The following SCARB1 variants were observed in gnomAD, a reference collection of about 807,000 sequenced individuals.
The protein encoded by SCARB1 is scavenger receptor class B member 1.
A neutral mutation model predicts 57.2 loss-of-function variants in SCARB1; 30 were observed. The observed-to-expected ratio is 0.52, with a 90% CI of 0.39 to 0.71. The LOEUF is 0.71. Ranked by LOEUF, SCARB1 falls within the 30% of genes least tolerant of loss-of-function variation. The pLI is 0.00. For missense variants in SCARB1, 543 were observed against 671.2 expected (o/e 0.81, Z 2.11); for synonymous variants, 249 against 268.3 (o/e 0.93, Z 0.70).
rs1950367845 is a variant in SCARB1 at position 124,807,695 on chromosome 12, G to A, written c.1009+66C>T. The stretch of plus-strand genomic sequence containing the variant: ...GAGATTAAGCAGACAGCACTGGGCA[G>A]ATAAACCCTCAGCTGGCCCCACCCT... On this transcript the variant is annotated intron_variant, in intron 7 of 12. Coordinates refer to ENST00000261693, the MANE Select transcript of SCARB1 (RefSeq NM_005505.5). The surrounding 1 kb of genome is among the most constrained non-coding windows in gnomAD (Gnocchi z 5.3). The A allele has an allele frequency of 1.3e-6, 2 of 1,517,130 alleles. No individual in the cohort carries two copies. Among genetic ancestry groups the A allele is most frequent in the Middle Eastern group, 1.9e-4 (1 of 5,200 alleles). 94.0% of individuals were successfully genotyped at this position (1,517,130 alleles called of 1,614,324 possible).
intron 1 of SCARB1, among the ~76,000 whole-genome samples, chr12:124,833,336 T>C (rs7487704): frequency 0.84 from 127,347 of 151,772 alleles, 53,708 homozygotes; most frequent in Admixed American, 0.91. Context: ...ACCACAAGCA[T>C]ACACCACCAC....
chr12:124,805,849 C>T (rs919126608), intron 7 of SCARB1, among the ~76,000 whole-genome samples: 3 of 147,752 alleles, frequency 2.0e-5, no homozygotes, highest in African/African-American at 5.0e-5. Flanking sequence ...TGATTACAGG[C>T]GTGAACCACC....
At chr12:124,838,662 C>CA (rs1951788811) in intron 1 of SCARB1, among the ~76,000 whole-genome samples, 1 of 152,068 alleles carries the variant, frequency 6.6e-6, no homozygotes, top group Non-Finnish European at 1.5e-5. Context: ...ATCTACAAAC[C>CA]AACAGCCCAA....
intron 9 of SCARB1, 64 bp from the exon 10 acceptor site, chr12:124,787,521 G>T (rs1456046617): frequency 2.1e-6 from 3 of 1,414,806 alleles, no homozygotes; most frequent in East Asian, 2.3e-5. Context: ...ATCTAATTCT[G>T]CTTGAATACA....
chr12:124,801,845 C>CA (rs1435596115), intron 7 of SCARB1, among the ~76,000 whole-genome samples: 7 of 147,990 alleles, frequency 4.7e-5, no homozygotes, highest in Admixed American at 1.4e-4. Flanking sequence ...GACTGTGTCT[C>CA]AAAAAAAATA....
chr12:124,821,509 G>C (rs182366713), intron 1 of SCARB1: 61 of 985,122 alleles, frequency 6.2e-5, no homozygotes, highest in Non-Finnish European at 6.3e-5. Context: ...CCCCAAAGAA[G>C]AGGCTTTCAG....
chr12:124,790,407 G>T (rs1018186765), intron 9 of SCARB1, among the ~76,000 whole-genome samples: 4 of 149,936 alleles, frequency 2.7e-5, no homozygotes, highest in Non-Finnish European at 5.9e-5. Context: ...AACAAAACAG[G>T]GAGGGCTAGG....
At chr12:124,837,846 G>A (rs577605634) in intron 1 of SCARB1, among the ~76,000 whole-genome samples, 2 of 152,314 alleles carry the variant, frequency 1.3e-5, no homozygotes, top group East Asian at 1.9e-4. Flanking sequence ...AGGCTGCAGT[G>A]AGCCATGATG....
At chr12:124,782,651 CG>C (rs1246765832) in intron 12 of SCARB1, 31 bp downstream of exon 12, 7 of 1,609,128 alleles carry the variant, frequency 4.4e-6, no homozygotes, top group Non-Finnish European at 5.9e-6. Flanking sequence ...TGGGAGGGGG[CG>C]GGGAGGCGCA....
chr12:124,814,430 T>A lies in SCARB1; in HGVS notation c.427-25A>T. On this transcript the variant is annotated intron_variant, in intron 3 of 12. Transcript: ENST00000261693. This position sits in a 1 kb window ranked among gnomAD's most constrained non-coding sequence, Gnocchi z 4.7. ...CCTGCAAGGCGAAGGGACACTAGTG[T>A]CAGAGGCTGGACGTGGCTGGCCCAT... The A allele has an allele frequency of 6.2e-7, 1 of 1,611,148 alleles. No homozygotes were observed. Among genetic ancestry groups the A allele is most frequent in the Non-Finnish European group, 8.5e-7 (1 of 1,178,720 alleles).
chr12:124,803,910 C>G (rs1950233089), intron 7 of SCARB1, among the ~76,000 whole-genome samples: 1 of 152,096 alleles, frequency 6.6e-6, no homozygotes, highest in East Asian at 1.9e-4. Context: ...TAAGAAAAAA[C>G]TCTATTTAAA....
intron 11 of SCARB1, chr12:124,784,459 C>T (rs888293038): frequency 6.6e-6 from 1 of 152,206 alleles, no homozygotes; most frequent in Non-Finnish European, 1.5e-5. Flanking sequence ...GAAACCTTTT[C>T]CCCCCGAGGA....
At chr12:124,847,790 C>G (rs940083156) in intron 1 of SCARB1, among the ~76,000 whole-genome samples, 2 of 152,178 alleles carry the variant, frequency 1.3e-5, no homozygotes, top group African/African-American at 4.8e-5. Flanking sequence ...AGGCTGGGAG[C>G]TGGGGGAGGA....
At chr12:124,781,050 C>A (rs1482360032) in intron 12 of SCARB1, among the ~76,000 whole-genome samples, 1 of 152,178 alleles carries the variant, frequency 6.6e-6, no homozygotes, top group African/African-American at 2.4e-5. Flanking sequence ...AGCCTGGGGA[C>A]CCTGTCCCAG....
chr12:124,828,263 C>T (rs1951243036), intron 1 of SCARB1, among the ~76,000 whole-genome samples: 1 of 152,050 alleles, frequency 6.6e-6, no homozygotes, highest in Admixed American at 6.6e-5. Flanking sequence ...AGCACTCTCC[C>T]CTGCACCTGG....
rs1672880 is a variant in SCARB1 at position 124,796,534 on chromosome 12, G to A, written c.1129-1266C>T. On this transcript the variant is annotated intron_variant, in intron 8 of 12. Transcript: ENST00000261693. The surrounding 1 kb of genome is among the most constrained non-coding windows in gnomAD (Gnocchi z 4.0). ...ATTTGAGGTCAGAGAACTGCAGTTG[G>A]TTCTTCTTAACTGAGAGTCGCGTCC... 0.016 allele frequency among the ~76,000 whole-genome samples: 2,373 copies of A among 152,318 alleles called. 57 individuals carry two copies. Among genetic ancestry groups the A allele is most frequent in the African/African-American group, 0.053 (2,222 of 41,564 alleles).
At position 124,787,336 on chromosome 12, in the gene SCARB1, G is replaced by A. The variant is rs1016221438; in HGVS notation, c.1254+70C>T. 1.3e-4 allele frequency: 184 copies of A among 1,432,082 alleles called. No homozygotes were observed. Among genetic ancestry groups the A allele is most frequent in the Admixed American group, 1.8e-4 (10 of 56,676 alleles). 88.7% of individuals were successfully genotyped at this position (1,432,082 alleles called of 1,614,324 possible). On this transcript the variant is annotated intron_variant, in intron 10 of 12. Transcript: ENST00000261693. Reference sequence around the variant, plus strand: ...TCCCTTTCTACAAGCTGCTCCCCCCGCCTCCTGCCTCAAATGCCCACATTG... The same window carrying A: ...TCCCTTTCTACAAGCTGCTCCCCCCACCTCCTGCCTCAAATGCCCACATTG...
chr12:124,787,780 T>C (rs949114186), intron 9 of SCARB1, among the ~76,000 whole-genome samples: 1 of 152,254 alleles, frequency 6.6e-6, no homozygotes, highest in Non-Finnish European at 1.5e-5. Context: ...CACACAGCTT[T>C]GAACCTGTGA....
chr12:124,799,909 A>G (rs957790932), intron 8 of SCARB1, among the ~76,000 whole-genome samples: 3 of 152,232 alleles, frequency 2.0e-5, no homozygotes, highest in African/African-American at 7.2e-5. Context: ...CTTAGAGCCC[A>G]TTTATAGAAA....
Sources: allele counts gnomAD v4.1 joint callset (sites outside exome capture counted in the v4.1 genomes callset), GRCh38; gene constraint gnomAD v4.1.1; non-coding constraint Gnocchi (gnomAD v3.1); transcripts MANE v1.5; gene names NCBI Gene and HGNC (gene_info 2026-07-23, HGNC 2026-07-21).